Variants in GALNT18 observed in about 807,000 individuals in gnomAD.
GALNT18 encodes polypeptide N-acetylgalactosaminyltransferase 18, also known as GalNAc-transferase 18.
A neutral mutation model predicts 69.5 loss-of-function variants in GALNT18; 44 were observed. The observed-to-expected ratio is 0.63, with a 90% CI of 0.50 to 0.81. GALNT18 has a LOEUF of 0.81. Ranked by LOEUF, GALNT18 falls within the 40% of genes least tolerant of loss-of-function variation. The pLI is 0.00. For synonymous variants in GALNT18, 364 were observed against 318.2 expected (o/e 1.14, Z -1.53); for missense variants, 715 against 810.0 (o/e 0.88, Z 1.42).
chr11:11,399,313 C>T (rs1205238011), intron 3 of GALNT18, among the ~76,000 whole-genome samples: 1 of 152,088 alleles, frequency 6.6e-6, no homozygotes, highest in Non-Finnish European at 1.5e-5. Context: ...GTTAAGCCAC[C>T]CAGTCTATTG....
intron 1 of GALNT18, chr11:11,570,211 G>C (rs1322036506): frequency 6.6e-6 from 1 of 152,582 alleles, no homozygotes; most frequent in Non-Finnish European, 1.5e-5. Context: ...AGTCACCATG[G>C]GCCACCCCAA....
At chr11:11,365,768 T>C (rs1212141386) in intron 6 of GALNT18, among the ~76,000 whole-genome samples, 1 of 152,178 alleles carries the variant, frequency 6.6e-6, no homozygotes, top group Non-Finnish European at 1.5e-5. Flanking sequence ...TGATAAAGTA[T>C]CTGGAATATG....
intron 1 of GALNT18, among the ~76,000 whole-genome samples, chr11:11,508,249 G>GA (rs1253361212): frequency 1.3e-5 from 2 of 151,914 alleles, no homozygotes; most frequent in African/African-American, 2.4e-5. Context: ...ACCCTTTTTT[G>GA]TTTTTTAAAT....
rs578216192 is a variant in GALNT18 at position 11,352,918 on chromosome 11, TAAC to T, written c.1093-11917_1093-11915del. ...TTCTTTTTTACTGGCTTGAGAATTT[TAAC>T]AACAACTTTTTCATTATTTGTGATG... is the stretch of plus-strand genomic sequence containing the variant. On this transcript the variant is annotated intron_variant, in intron 6 of 10. Transcript: ENST00000227756. The T allele has an allele frequency of 2.0e-3, 3,272 of 1,614,228 alleles. 5 individuals carry two copies. The highest frequency in any genetic ancestry group is 2.6e-3 in the Non-Finnish European group (3,098 of 1,180,030).
intron 1 of GALNT18, among the ~76,000 whole-genome samples, chr11:11,489,403 C>T (rs1170270153): frequency 6.6e-6 from 1 of 152,182 alleles, no homozygotes; most frequent in Admixed American, 6.5e-5. Flanking sequence ...TGAGCTGAAC[C>T]TCCCTGAGAT....
intron 10 of GALNT18, among the ~76,000 whole-genome samples, chr11:11,286,283 A>G (rs1316591981): frequency 2.0e-5 from 3 of 152,208 alleles, no homozygotes; most frequent in African/African-American, 7.2e-5. Context: ...AGTATAAAAT[A>G]TTTCCACCTC....
intron 1 of GALNT18, among the ~76,000 whole-genome samples, chr11:11,513,488 C>T (rs77390819): frequency 0.025 from 3,787 of 152,274 alleles, 110 homozygotes; most frequent in African/African-American, 0.066. Flanking sequence ...CCACATCCCA[C>T]AAGAAGCTGA....
chr11:11,445,813 AG>A (rs1395561402), intron 2 of GALNT18, among the ~76,000 whole-genome samples: 2 of 152,166 alleles, frequency 1.3e-5, no homozygotes, highest in Non-Finnish European at 2.9e-5. Context: ...GAGGTGTGGA[AG>A]CTCCACAGAC....
chr11:11,556,972 G>C (rs1858347210), intron 1 of GALNT18, among the ~76,000 whole-genome samples: 1 of 152,164 alleles, frequency 6.6e-6, no homozygotes, highest in Admixed American at 6.5e-5. Context: ...TAGAAGAGGT[G>C]CCATAACATT....
At chr11:11,548,893 C>G (rs972114883) in intron 1 of GALNT18, among the ~76,000 whole-genome samples, 1 of 152,238 alleles carries the variant, frequency 6.6e-6, no homozygotes, top group Non-Finnish European at 1.5e-5. Flanking sequence ...TTCATCTACA[C>G]TTTCACTCAT....
At chr11:11,525,264 T>C (rs1361381272) in intron 1 of GALNT18, among the ~76,000 whole-genome samples, 1 of 152,090 alleles carries the variant, frequency 6.6e-6, no homozygotes, top group African/African-American at 2.4e-5. Flanking sequence ...CGCGAATGAC[T>C]GAAAGTTTCC....
intron 1 of GALNT18, among the ~76,000 whole-genome samples, chr11:11,569,347 T>C (rs545046156): frequency 2.0e-5 from 3 of 151,778 alleles, no homozygotes; most frequent in Admixed American, 2.0e-4. Flanking sequence ...AGTATCTGGG[T>C]AAGACCACCA....
At chr11:11,287,155 G>A (rs757795506) in intron 10 of GALNT18, among the ~76,000 whole-genome samples, 28 of 152,180 alleles carry the variant, frequency 1.8e-4, no homozygotes, top group Non-Finnish European at 3.8e-4. Flanking sequence ...GCACAAGGCA[G>A]CCCTTCAGAG....
intron 2 of GALNT18, among the ~76,000 whole-genome samples, chr11:11,434,553 T>C (rs1378736903): frequency 2.0e-5 from 3 of 152,334 alleles, no homozygotes; most frequent in Admixed American, 1.3e-4. Context: ...AATGAGATGA[T>C]GTCCTGGCAG....
intron 10 of GALNT18, among the ~76,000 whole-genome samples, chr11:11,282,214 T>G (rs1258812274): frequency 6.6e-6 from 1 of 152,162 alleles, no homozygotes; most frequent in East Asian, 1.9e-4. Flanking sequence ...TTCACAAACA[T>G]TGCAAAGAAG....
intron 3 of GALNT18, among the ~76,000 whole-genome samples, chr11:11,381,211 A>G (rs566609961): frequency 1.3e-5 from 2 of 152,374 alleles, no homozygotes; most frequent in South Asian, 4.1e-4. Flanking sequence ...TTACTGTTTT[A>G]TCACTTCCAA....
chr11:11,319,202 C>T (rs1490574283), intron 9 of GALNT18, among the ~76,000 whole-genome samples: 1 of 146,384 alleles, frequency 6.8e-6, no homozygotes. Flanking sequence ...AGCCTGCAGT[C>T]CTGCCTTCTT....
chr11:11,567,758 A>G (rs557341421), intron 1 of GALNT18, among the ~76,000 whole-genome samples: 2 of 152,328 alleles, frequency 1.3e-5, no homozygotes, highest in South Asian at 4.2e-4. Context: ...GACTTTCTCA[A>G]TGTCTCCAAG....
intron 1 of GALNT18, among the ~76,000 whole-genome samples, chr11:11,566,624 G>A (rs1401473767): frequency 6.6e-6 from 1 of 152,174 alleles, no homozygotes; most frequent in Non-Finnish European, 1.5e-5. Flanking sequence ...TATATAGAAA[G>A]AAAGATAAGA....
Sources: gnomAD v4.1 joint callset for allele counts (sites outside exome capture counted in the v4.1 genomes callset) on GRCh38, gnomAD v4.1.1 for gene constraint, MANE v1.5 for transcripts, NCBI Gene and HGNC (gene_info 2026-07-23, HGNC 2026-07-21) for gene names.